The following GAN variants were observed in gnomAD, a reference collection of about 807,000 sequenced individuals.
GAN encodes epididymis secretory sperm binding protein.
A neutral mutation model predicts 71.3 loss-of-function variants in GAN; 48 were observed. The ratio of observed to expected loss-of-function variants is 0.67; its 90% CI spans 0.53 to 0.86. The LOEUF (loss-of-function observed/expected upper bound fraction) is 0.86. Among genes scored for constraint, GAN ranks in the 40% least tolerant of loss-of-function variants. GAN has a pLI of 0.00. For synonymous variants in GAN, 386 were observed against 276.8 expected, an observed-to-expected ratio of 1.39 and a Z score of -3.92; for missense variants, 928 against 770.1, an observed-to-expected ratio of 1.21 and a Z score of -2.43.
intron 1 of GAN, among the ~76,000 whole-genome samples, chr16:81,331,228 T>G (rs1386401140): frequency 6.6e-6 from 1 of 152,030 alleles, no homozygotes; most frequent in East Asian, 1.9e-4. Flanking sequence ...AAATCCAAGT[T>G]GAGGAACGAG....
At chr16:81,344,371 C>G (rs916904673) in intron 1 of GAN, among the ~76,000 whole-genome samples, 1 of 152,166 alleles carries the variant, frequency 6.6e-6, no homozygotes, top group African/African-American at 2.4e-5. Context: ...TCAAACTTTA[C>G]TACAAGGCTG....
intron 7 of GAN, 120 bp downstream of exon 7, chr16:81,364,063 A>G: frequency 1.2e-6 from 1 of 855,218 alleles, no homozygotes. Flanking sequence ...TTAACTTTAT[A>G]GAACTCTCTT....
intron 4 of GAN, among the ~76,000 whole-genome samples, chr16:81,357,253 C>T (rs1443249434): frequency 2.0e-5 from 3 of 152,132 alleles, no homozygotes; most frequent in African/African-American, 4.8e-5. Context: ...CTATCCCTCC[C>T]CTCTCCCTCC....
Position 81,315,178 on chromosome 16 carries a change from C to T in GAN, c.65C>T (p.Ser22Phe). Residue 22 changes from serine (S) to phenylalanine (F), a missense_variant, in exon 1 of 11, where the codon TCT (serine) becomes TTT (phenylalanine). Ser to Phe is a radical substitution (Grantham distance 155). Coordinates refer to ENST00000648994, the MANE Select transcript of GAN (RefSeq NM_022041.4). Reference sequence around the variant, plus strand: ...GCGCGTCTGCTGCGAGCGCTCAGCTCTTTCCGCGAGGAGTCTCGCTTCTGC... The same window carrying T: ...GCGCGTCTGCTGCGAGCGCTCAGCTTTTTCCGCGAGGAGTCTCGCTTCTGC... Reference protein sequence around the residue: ...HAARLLRALSSFREESRFCDA... With the variant: ...HAARLLRALSFFREESRFCDA... The T allele has an allele frequency of 2.5e-6, 4 of 1,571,724 alleles. No homozygotes were observed. Among genetic ancestry groups the T allele is most frequent in the East Asian group, 2.4e-5 (1 of 41,044 alleles).
At position 81,357,793 on chromosome 16, in the gene GAN, C is replaced by G. The variant is rs1307776377; in HGVS notation, c.852-17C>G. ...TATGAAGCACATTAACTACTGATCA[C>G]TTATTTACTTCCTTAGTTCACGGAA... is the stretch of plus-strand genomic sequence containing the variant. On this transcript the variant is annotated splice_polypyrimidine_tract_variant and intron_variant, in intron 4 of 10. Coordinates refer to ENST00000648994, the MANE Select transcript of GAN (RefSeq NM_022041.4). The G allele has an allele frequency of 5.6e-6, 9 of 1,610,186 alleles. No individual in the cohort carries two copies. Among genetic ancestry groups the G allele is most frequent in the African/African-American group, 4.0e-5 (3 of 74,858 alleles).
intron 1 of GAN, among the ~76,000 whole-genome samples, chr16:81,347,120 T>C (rs940254164): frequency 4.6e-5 from 7 of 152,220 alleles, no homozygotes; most frequent in Non-Finnish European, 7.3e-5. Flanking sequence ...TATTTTATTC[T>C]TACACTGTTT....
At chr16:81,319,363 T>C (rs138708808) in intron 1 of GAN, among the ~76,000 whole-genome samples, 1 of 152,012 alleles carries the variant, frequency 6.6e-6, no homozygotes, top group Non-Finnish European at 1.5e-5. Context: ...CTTTTGAATA[T>C]TACAGTTTGG....
chr16:81,321,828 T>C (rs1287100899), intron 1 of GAN, among the ~76,000 whole-genome samples: 1 of 152,186 alleles, frequency 6.6e-6, no homozygotes, highest in Non-Finnish European at 1.5e-5. Flanking sequence ...GTGTGAGATG[T>C]GACACGTGGC....
intron 5 of GAN, among the ~76,000 whole-genome samples, chr16:81,360,138 C>T (rs1273420791): frequency 6.6e-6 from 1 of 152,022 alleles, no homozygotes; most frequent in Non-Finnish European, 1.5e-5. Flanking sequence ...AGATAGTGTT[C>T]ATTTAGATTT....
At chr16:81,318,736 A>G (rs1466919686) in intron 1 of GAN, among the ~76,000 whole-genome samples, 2 of 152,194 alleles carry the variant, frequency 1.3e-5, no homozygotes, top group Non-Finnish European at 1.5e-5. Flanking sequence ...ACCATATTAG[A>G]AAGATTTTAA....
chr16:81,374,776 A>C (rs1435655751), intron 9 of GAN, among the ~76,000 whole-genome samples: 1 of 152,186 alleles, frequency 6.6e-6, no homozygotes, highest in Non-Finnish European at 1.5e-5. Flanking sequence ...TCTCTGCCTC[A>C]GCTCTGGGAT....
intron 6 of GAN, among the ~76,000 whole-genome samples, 188 bp from the exon 7 acceptor site, chr16:81,363,606 G>C (rs1910749492): frequency 6.6e-6 from 1 of 152,124 alleles, no homozygotes; most frequent in African/African-American, 2.4e-5. Flanking sequence ...AGTCTCCCAG[G>C]TACCAAGCGT....
At chr16:81,364,872 C>T in intron 7 of GAN, 102 bp from the exon 8 acceptor site, 5 of 1,164,108 alleles carry the variant, frequency 4.3e-6, no homozygotes, top group Non-Finnish European at 6.4e-6. Context: ...AATCAAACCC[C>T]TTCCTAAATC....
chr16:81,337,063 C>T (rs181732335), intron 1 of GAN, among the ~76,000 whole-genome samples: 103 of 152,288 alleles, frequency 6.8e-4, no homozygotes, highest in African/African-American at 2.4e-3. Context: ...AGTAGTTTCA[C>T]TGCCCTAAAA....
At chr16:81,326,464 C>T (rs571387702) in intron 1 of GAN, among the ~76,000 whole-genome samples, 1 of 152,090 alleles carries the variant, frequency 6.6e-6, no homozygotes, top group African/African-American at 2.4e-5. Flanking sequence ...ACCCGGGAGG[C>T]GGAGGTTGCG....
chr16:81,341,053 A>G (rs1189994379), intron 1 of GAN, among the ~76,000 whole-genome samples: 1 of 151,938 alleles, frequency 6.6e-6, no homozygotes, highest in Non-Finnish European at 1.5e-5. Context: ...GTGACTGAAG[A>G]TCAGATTAAT....
intron 3 of GAN, among the ~76,000 whole-genome samples, chr16:81,356,175 C>G (rs1368827786): frequency 1.3e-5 from 2 of 152,174 alleles, no homozygotes; most frequent in African/African-American, 2.4e-5. Flanking sequence ...TTTTAAAACT[C>G]ACAGTTTTAT....
chr16:81,376,757 A>G (rs965690412), intron 9 of GAN, among the ~76,000 whole-genome samples: 4 of 151,986 alleles, frequency 2.6e-5, no homozygotes, highest in Non-Finnish European at 5.9e-5. Context: ...GCACACCTGT[A>G]ATCTCAGCTA....
intron 3 of GAN, among the ~76,000 whole-genome samples, chr16:81,355,189 A>C (rs973829967): frequency 2.2e-4 from 34 of 152,130 alleles, no homozygotes; most frequent in African/African-American, 6.3e-4. Context: ...CATGGGCCTG[A>C]GGAGCTTCAG....
Sources: allele counts gnomAD v4.1 joint callset (sites outside exome capture counted in the v4.1 genomes callset), GRCh38; gene constraint gnomAD v4.1.1; transcripts MANE v1.5; gene names NCBI Gene and HGNC (gene_info 2026-07-23, HGNC 2026-07-21).